ADAMTS20: variants seen among roughly 807,000 people sequenced by gnomAD.
The protein encoded by ADAMTS20 is A disintegrin and metalloproteinase with thrombospondin motifs 20.
A neutral mutation model predicts 260.1 loss-of-function variants in ADAMTS20; 225 were observed. The observed-to-expected ratio is 0.87, with a 90% CI of 0.78 to 0.97. The LOEUF is 0.97. ADAMTS20 is among the 50% of genes least tolerant of loss of function. The probability of loss-of-function intolerance (pLI) is 0.00; values close to 1 mark genes in which losing one functional copy is unlikely to be tolerated. For synonymous variants in ADAMTS20, 802 were observed against 769.5 expected (o/e 1.04, Z -0.70); for missense variants, 2,400 against 2,337.7 (o/e 1.03, Z -0.55).
intron 11 of ADAMTS20, among the ~76,000 whole-genome samples, chr12:43,457,841 G>A (rs1941993151): frequency 6.6e-6 from 1 of 152,180 alleles, no homozygotes; most frequent in Non-Finnish European, 1.5e-5. Context: ...TAACACAGTT[G>A]CCAGGATGAT....
At chr12:43,372,823 T>C (rs1221635738) in intron 36 of ADAMTS20, among the ~76,000 whole-genome samples, 2 of 152,172 alleles carry the variant, frequency 1.3e-5, no homozygotes, top group Non-Finnish European at 2.9e-5. Context: ...TCAGGTAGGC[T>C]GGTAGATGTG....
At chr12:43,433,698 AC>A in intron 19 of ADAMTS20, 1 of 288,126 alleles carries the variant, frequency 3.5e-6, no homozygotes, top group South Asian at 2.1e-5. Context: ...ACACATGCAC[AC>A]ACAAACACAC....
chr12:43,358,816 G>T (rs1423141031), intron 37 of ADAMTS20, among the ~76,000 whole-genome samples: 3 of 122,048 alleles, frequency 2.5e-5, no homozygotes, highest in Non-Finnish European at 1.6e-5. Context: ...CAGCCTGGGC[G>T]ACAGAGCGAA....
intron 29 of ADAMTS20, among the ~76,000 whole-genome samples, chr12:43,397,675 T>C (rs576915529): frequency 2.0e-5 from 3 of 152,320 alleles, no homozygotes; most frequent in African/African-American, 7.2e-5. Flanking sequence ...TTTTAAATCA[T>C]GACCTCTGGT....
At chr12:43,437,883 C>T (rs1941586077) in intron 18 of ADAMTS20, among the ~76,000 whole-genome samples, 1 of 151,892 alleles carries the variant, frequency 6.6e-6, no homozygotes, top group Non-Finnish European at 1.5e-5. Flanking sequence ...AAAAGAGGGC[C>T]ACAGTAGCCA....
intron 37 of ADAMTS20, among the ~76,000 whole-genome samples, chr12:43,365,503 A>G (rs1185400439): frequency 1.3e-5 from 2 of 152,006 alleles, no homozygotes; most frequent in Non-Finnish European, 2.9e-5. Flanking sequence ...AATAAGACAG[A>G]TGGAAGCAAA....
intron 3 of ADAMTS20, among the ~76,000 whole-genome samples, chr12:43,502,945 A>T (rs1942788736): frequency 6.6e-6 from 1 of 152,156 alleles, no homozygotes; most frequent in South Asian, 2.1e-4. Context: ...CAGAAAGGCA[A>T]ATGTTCCTAT....
intron 28 of ADAMTS20, among the ~76,000 whole-genome samples, chr12:43,414,574 T>C (rs1375471351): frequency 6.6e-6 from 1 of 152,052 alleles, no homozygotes; most frequent in East Asian, 1.9e-4. Context: ...AAAAATATGA[T>C]ATCCCCTGGG....
chr12:43,422,463 G>C (rs1941254583), intron 28 of ADAMTS20, among the ~76,000 whole-genome samples: 1 of 151,898 alleles, frequency 6.6e-6, no homozygotes, highest in African/African-American at 2.4e-5. Context: ...ATTTGGTATT[G>C]ACAACAGAAC....
intron 3 of ADAMTS20, among the ~76,000 whole-genome samples, chr12:43,504,007 A>G (rs956201516): frequency 6.6e-6 from 1 of 152,122 alleles, no homozygotes; most frequent in Admixed American, 6.6e-5. Flanking sequence ...TACTTTAAAT[A>G]GTGCTGCAGT....
chr12:43,376,997 GCTTT>G (rs918666739), intron 32 of ADAMTS20, among the ~76,000 whole-genome samples: 5 of 152,094 alleles, frequency 3.3e-5, no homozygotes, highest in African/African-American at 1.2e-4. Context: ...ATATTTACTT[GCTTT>G]CTATCAATTA....
intron 7 of ADAMTS20, among the ~76,000 whole-genome samples, chr12:43,474,088 C>T (rs182578907): frequency 0.015 from 2,259 of 151,784 alleles, 54 homozygotes; most frequent in African/African-American, 0.051. Context: ...TGATAGACCG[C>T]TAGCAAGACT....
intron 7 of ADAMTS20, among the ~76,000 whole-genome samples, chr12:43,482,216 A>T (rs1015329424): frequency 1.3e-5 from 2 of 152,324 alleles, no homozygotes; most frequent in South Asian, 4.1e-4. Flanking sequence ...AAGCTCCCAA[A>T]TGAGGTTTGC....
At chr12:43,462,279 C>T (rs1481310685) in intron 11 of ADAMTS20, among the ~76,000 whole-genome samples, 1 of 152,150 alleles carries the variant, frequency 6.6e-6, no homozygotes, top group African/African-American at 2.4e-5. Context: ...TCAACACTGG[C>T]CACTGAGGCC....
At chr12:43,370,864 T>C (rs1940092480) in intron 36 of ADAMTS20, among the ~76,000 whole-genome samples, 1 of 152,196 alleles carries the variant, frequency 6.6e-6, no homozygotes, top group South Asian at 2.1e-4. Flanking sequence ...CTCTTTAATA[T>C]TTCTCAAATA....
At chr12:43,511,102 G>T (rs932616828) in intron 3 of ADAMTS20, among the ~76,000 whole-genome samples, 7 of 151,918 alleles carry the variant, frequency 4.6e-5, no homozygotes, top group African/African-American at 1.7e-4. Context: ...CCTTCAAAAT[G>T]CTCCTTGTAT....
intron 2 of ADAMTS20, among the ~76,000 whole-genome samples, chr12:43,538,230 T>A (rs1371062162): frequency 1.3e-5 from 2 of 152,262 alleles, no homozygotes; most frequent in African/African-American, 2.4e-5. Flanking sequence ...TGAGATGATA[T>A]CTCACTGTAG....
intron 7 of ADAMTS20, among the ~76,000 whole-genome samples, chr12:43,486,696 C>T (rs1352218542): frequency 6.6e-6 from 1 of 152,070 alleles, no homozygotes; most frequent in Non-Finnish European, 1.5e-5. Context: ...GGACTAATAT[C>T]CAGAATCTAC....
intron 11 of ADAMTS20, among the ~76,000 whole-genome samples, chr12:43,455,711 CT>C (rs35614063): frequency 0.32 from 45,680 of 143,188 alleles, 7,220 homozygotes; most frequent in East Asian, 0.73. Flanking sequence ...TTGCTTTCAT[CT>C]TTTTTTTTTT....
Sources: allele counts gnomAD v4.1 joint callset (sites outside exome capture counted in the v4.1 genomes callset), GRCh38; gene constraint gnomAD v4.1.1; transcripts MANE v1.5; gene names NCBI Gene and HGNC (gene_info 2026-07-23, HGNC 2026-07-21).